Variants in MGAM2 observed in about 807,000 individuals in gnomAD.
The protein encoded by MGAM2 is probable maltase-glucoamylase 2.
MGAM2 carries 98 observed loss-of-function variants against 96.1 expected under a neutral mutation model. The ratio of observed to expected loss-of-function variants is 1.02; its 90% CI spans 0.87 to 1.21. The LOEUF is 1.21. Ranked by LOEUF, MGAM2 falls within the 50% of genes most tolerant of loss-of-function variation. MGAM2 has a pLI of 0.00. For synonymous variants in MGAM2, 749 were observed against 414.8 expected (o/e 1.81, Z -9.79); for missense variants, 2,055 against 1,182.4 (o/e 1.74, Z -10.82).
intron 46 of MGAM2, among the ~76,000 whole-genome samples, chr7:142,213,444 A>C (rs536173865): frequency 9.2e-5 from 14 of 152,306 alleles, no homozygotes; most frequent in African/African-American, 3.4e-4. Context: ...ATAAAGAAAA[A>C]AAGAGAGAAG....
At chr7:142,193,608 A>C (rs1297312375) in intron 37 of MGAM2, among the ~76,000 whole-genome samples, 2 of 152,148 alleles carry the variant, frequency 1.3e-5, no homozygotes, top group Non-Finnish European at 2.9e-5. Flanking sequence ...GCCCTGCTGC[A>C]TATGCTCTGT....
intron 17 of MGAM2, among the ~76,000 whole-genome samples, chr7:142,156,899 C>T (rs937941512): frequency 6.6e-6 from 1 of 152,070 alleles, no homozygotes; most frequent in Admixed American, 6.5e-5. Flanking sequence ...AAATGAATGC[C>T]GACCATTGAC....
rs760651118 is a variant in MGAM2, at chr7:142,143,099, G to T, written c.1318-670G>T. On this transcript the variant is annotated intron_variant, in intron 12 of 47. Transcript: ENST00000477922. The stretch of plus-strand genomic sequence containing the variant: ...CAAAATATGTATTCATTATGTTCCC[G>T]GAGTGTAAAGTTGTTCCTAAATTAC... Among the ~76,000 whole-genome samples the T allele has an allele frequency of 3.3e-5, 5 of 152,200 alleles. No individual in the cohort carries two copies. In the East Asian group the frequency reaches 9.7e-4, roughly 29 times the overall value.
intron 1 of MGAM2, among the ~76,000 whole-genome samples, chr7:142,115,140 C>A (rs1406592562): frequency 6.6e-6 from 1 of 152,140 alleles, no homozygotes; most frequent in Non-Finnish European, 1.5e-5. Flanking sequence ...TCCCTTGAAC[C>A]TGGGAGGTGG....
intron 32 of MGAM2, among the ~76,000 whole-genome samples, chr7:142,180,398 G>T (rs1050684077): frequency 6.6e-6 from 1 of 150,836 alleles, no homozygotes; most frequent in African/African-American, 2.4e-5. Flanking sequence ...GATCTTTGGG[G>T]TAAGTTTGTT....
Position 142,148,836 on chromosome 7 carries a change from G to T in MGAM2, c.1634+1263G>T, listed in dbSNP as rs1301442023. Among the ~76,000 whole-genome samples, 1 of 152,070 alleles carries T rather than the reference G, an allele frequency of 6.6e-6. No individual in the cohort carries two copies. The highest frequency in any genetic ancestry group is 1.5e-5 in the Non-Finnish European group (1 of 68,002). ...ACAGGGAGACTTTGATGGGTTTATG[G>T]GGCCTGTCTCAGTCCTTTTCTTACT... is the stretch of plus-strand genomic sequence containing the variant. On this transcript the variant is annotated intron_variant, in intron 15 of 47. Transcript: ENST00000477922. This position sits in a 1 kb window ranked among gnomAD's most constrained non-coding sequence, Gnocchi z 4.2.
chr7:142,161,082 A>G, intron 21 of MGAM2, 43 bp from the exon 22 acceptor site: 1 of 699,984 alleles, frequency 1.4e-6, no homozygotes, highest in Non-Finnish European at 2.6e-6. Flanking sequence ...ACATAGTTCC[A>G]TCTCATCTAC....
chr7:142,139,966 G>A (rs1795172404), intron 10 of MGAM2, among the ~76,000 whole-genome samples: 1 of 152,130 alleles, frequency 6.6e-6, no homozygotes, highest in African/African-American at 2.4e-5. Context: ...AGGACACGTG[G>A]GTCCTAAATG....
intron 46 of MGAM2, among the ~76,000 whole-genome samples, chr7:142,208,973 C>A (rs917113817): frequency 6.6e-6 from 1 of 152,112 alleles, no homozygotes; most frequent in African/African-American, 2.4e-5. Flanking sequence ...GCATAAAAGA[C>A]GACCTCAAAA....
chr7:142,199,814 A>T (rs147757522), intron 44 of MGAM2, 66 bp from the exon 45 acceptor site: 64 of 606,942 alleles, frequency 1.1e-4, no homozygotes, highest in East Asian at 8.1e-4. Context: ...TTTTTAACAC[A>T]GTCTGTTCTT....
chr7:142,155,660 T>C (rs887572565), intron 17 of MGAM2, among the ~76,000 whole-genome samples: 2 of 152,208 alleles, frequency 1.3e-5, no homozygotes, highest in African/African-American at 4.8e-5. Context: ...GAACTATTTC[T>C]AAATGTCTTA....
At chr7:142,139,573 A>G (rs1000113307) in intron 10 of MGAM2, among the ~76,000 whole-genome samples, 1 of 151,610 alleles carries the variant, frequency 6.6e-6, no homozygotes, top group African/African-American at 2.4e-5. Flanking sequence ...AGGCAGGAGA[A>G]TCACTTGAAC....
chr7:142,202,209 G>A (rs1480847671), intron 45 of MGAM2, among the ~76,000 whole-genome samples: 2 of 152,216 alleles, frequency 1.3e-5, no homozygotes, highest in African/African-American at 4.8e-5. Context: ...TGACTAGAAA[G>A]AAGTACTGCT....
At chr7:142,162,256 G>A (rs1381171410) in intron 23 of MGAM2, among the ~76,000 whole-genome samples, 1 of 151,948 alleles carries the variant, frequency 6.6e-6, no homozygotes, top group Admixed American at 6.6e-5. Flanking sequence ...TGAGTTTTAT[G>A]TGATGGGTGC....
intron 37 of MGAM2, among the ~76,000 whole-genome samples, chr7:142,193,602 T>A (rs893059138): frequency 2.0e-5 from 3 of 152,322 alleles, no homozygotes; most frequent in East Asian, 3.9e-4. Flanking sequence ...TAATATGCCC[T>A]GCTGCATATG....
chr7:142,209,458 T>G (rs1038230528), intron 46 of MGAM2, among the ~76,000 whole-genome samples: 1 of 152,204 alleles, frequency 6.6e-6, no homozygotes, highest in Non-Finnish European at 1.5e-5. Context: ...ACCTTGCATA[T>G]TAAATGATCC....
rs1314956519 is a variant in MGAM2 at position 142,172,742 on chromosome 7, T to A, written c.3539T>A (p.Leu1180His). The A allele has an allele frequency of 1.4e-6, 1 of 702,864 alleles. No individual in the cohort carries two copies. Among genetic ancestry groups the A allele is most frequent in the Admixed American group, 2.0e-5 (1 of 49,850 alleles). The allele number at this position is 702,864 out of a possible 1,614,324, so 43.5% of individuals were successfully genotyped here. ...ATTGTTTTGGGGCCAACCCCTGAAC[T>A]TGTAACTCAGCAATACACAGAGGTT... ...FYIVLGPTPE[L>H]VTQQYTELIG... The change falls in exon 30 of 48, where the codon CTT becomes CAT. Residue 1180 changes from leucine (L) to histidine (H), a missense_variant. Transcript: ENST00000477922.
At chr7:142,172,258 G>C in intron 29 of MGAM2, 64 bp downstream of exon 29, 1 of 640,712 alleles carries the variant, frequency 1.6e-6, no homozygotes. Flanking sequence ...ATTTTGACCT[G>C]GTATCAATAG....
At chr7:142,194,369 T>C (rs1004417213) in intron 37 of MGAM2, among the ~76,000 whole-genome samples, 3 of 152,150 alleles carry the variant, frequency 2.0e-5, no homozygotes, top group African/African-American at 7.2e-5. Flanking sequence ...GGAACCAAGT[T>C]TAACTAGTCA....
Sources: allele counts gnomAD v4.1 joint callset (sites outside exome capture counted in the v4.1 genomes callset), GRCh38; gene constraint gnomAD v4.1.1; non-coding constraint Gnocchi (gnomAD v3.1); transcripts MANE v1.5; gene names NCBI Gene and HGNC (gene_info 2026-07-23, HGNC 2026-07-21).